The following CCDC77 variants were observed in gnomAD, a reference collection of about 807,000 sequenced individuals.
The protein encoded by CCDC77 is coiled-coil domain-containing protein 77.
CCDC77 carries 56 observed loss-of-function variants against 66.8 expected under a neutral mutation model. That is an observed-to-expected ratio of 0.84 (90% CI 0.68 to 1.05). The LOEUF (loss-of-function observed/expected upper bound fraction) is 1.05, where lower values mean the gene tolerates loss of function less well. Among genes scored for constraint, CCDC77 ranks in the 50% least tolerant of loss-of-function variants. CCDC77 has a pLI of 0.00. For missense variants in CCDC77, 570 were observed against 576.8 expected (o/e 0.99, Z 0.12); for synonymous variants, 196 against 195.2 (o/e 1.00, Z -0.03).
chr12:399,605 C>T (rs1177210698), upstream of CCDC77, among the ~76,000 whole-genome samples: 1 of 152,214 alleles, frequency 6.6e-6, no homozygotes, highest in Admixed American at 6.5e-5. Flanking sequence ...CTTGGGTGAC[C>T]AGTTGCATTG....
chr12:435,235 A>G (rs1194197890), intron 9 of CCDC77, among the ~76,000 whole-genome samples: 1 of 149,706 alleles, frequency 6.7e-6, no homozygotes, highest in Non-Finnish European at 1.5e-5. Flanking sequence ...TATCACATGT[A>G]TTCCGTTTCC....
chr12:397,377 A>C (rs1389648705), upstream of CCDC77, among the ~76,000 whole-genome samples: 1 of 152,198 alleles, frequency 6.6e-6, no homozygotes, highest in Non-Finnish European at 1.5e-5. Context: ...AAAGATACCG[A>C]GCCGAGATGT....
chr12:392,439 C>T (rs751038134), intron 1 of CCDC77, among the ~76,000 whole-genome samples: 3 of 151,988 alleles, frequency 2.0e-5, no homozygotes, highest in Non-Finnish European at 4.4e-5. Flanking sequence ...TGTCAGGACG[C>T]CTTTACTCTT....
intron 9 of CCDC77, among the ~76,000 whole-genome samples, chr12:436,519 C>G (rs146849916): frequency 2.6e-5 from 4 of 152,068 alleles, no homozygotes; most frequent in Non-Finnish European, 4.4e-5. Flanking sequence ...CCATCGCGCC[C>G]GGTCTGCTAT....
At chr12:419,314 G>C (rs932069561) in intron 5 of CCDC77, among the ~76,000 whole-genome samples, 2 of 152,204 alleles carry the variant, frequency 1.3e-5, no homozygotes, top group Non-Finnish European at 2.9e-5. Flanking sequence ...GTAAACTTGG[G>C]AGAAGAAGCC....
At chr12:402,828 G>A (rs1014005487) in intron 1 of CCDC77, among the ~76,000 whole-genome samples, 2 of 152,208 alleles carry the variant, frequency 1.3e-5, no homozygotes, top group Admixed American at 1.3e-4. Context: ...TGGTTAGACA[G>A]GAGGTTCAGA....
intron 4 of CCDC77, 90 bp from the exon 5 acceptor site, chr12:418,404 T>A: frequency 3.1e-6 from 4 of 1,278,146 alleles, no homozygotes; most frequent in Non-Finnish European, 4.5e-6. Context: ...TTTGGAATAT[T>A]TCTACATGAG....
At chr12:396,898 G>A (rs1944835204), upstream of CCDC77, among the ~76,000 whole-genome samples, 1 of 152,172 alleles carries the variant, frequency 6.6e-6, no homozygotes, top group African/African-American at 2.4e-5. Context: ...AAGCAGGAGT[G>A]TGACAGACCC....
chr12:434,197 TA>T (rs1163100851), intron 9 of CCDC77, among the ~76,000 whole-genome samples: 2 of 151,900 alleles, frequency 1.3e-5, no homozygotes, highest in Non-Finnish European at 2.9e-5. Context: ...TCTGAAAAAA[TA>T]AAAACAAAAA....
chr12:411,249 C>G (rs2137548676), intron 3 of CCDC77, among the ~76,000 whole-genome samples: 1 of 152,036 alleles, frequency 6.6e-6, no homozygotes, highest in East Asian at 1.9e-4. Context: ...TCTCGACTCA[C>G]TGCAACCTCT....
At chr12:422,160 T>A (rs56376372) in intron 5 of CCDC77, among the ~76,000 whole-genome samples, 2,551 of 97,448 alleles carry the variant, frequency 0.026, 149 homozygotes, top group African/African-American at 0.069. Flanking sequence ...ATTACAGTGC[T>A]CTTCTGTGTG....
rs942587006 is a variant in CCDC77, at chr12:396,379, A to C, written c.-113+6893A>C. Among the ~76,000 whole-genome samples the C allele has an allele frequency of 3.3e-5, 5 of 152,374 alleles. 1 individual carries two copies. The highest frequency in any genetic ancestry group is 3.3e-4 in the Admixed American group (5 of 15,310). On this transcript the variant is annotated intron_variant, in intron 1 of 11. Transcript: ENST00000422000. ...TGCACTCCAGCCTGCGGGACAGAGC[A>C]AGACTCCCTCTTGAAAAAATAAATA... is the stretch of plus-strand genomic sequence containing the variant.
chr12:395,448 GA>G (rs1227864119), intron 1 of CCDC77, among the ~76,000 whole-genome samples: 4 of 152,110 alleles, frequency 2.6e-5, no homozygotes, highest in Non-Finnish European at 4.4e-5. Flanking sequence ...ATTGCTAAAT[GA>G]ATATCCAATC....
At chr12:402,589 G>C (rs1379565467) in intron 1 of CCDC77, among the ~76,000 whole-genome samples, 1 of 152,162 alleles carries the variant, frequency 6.6e-6, no homozygotes. Flanking sequence ...AAATAAGGCA[G>C]GAAAGTTAGG....
intron 9 of CCDC77, chr12:433,568 T>A: frequency 2.1e-6 from 2 of 943,816 alleles, no homozygotes; most frequent in Non-Finnish European, 2.7e-6. Flanking sequence ...TTGCTTCTGG[T>A]GGCTAAGAAG....
chr12:404,361 G>C (rs930307455), intron 1 of CCDC77, among the ~76,000 whole-genome samples: 1 of 152,168 alleles, frequency 6.6e-6, no homozygotes, highest in African/African-American at 2.4e-5. Flanking sequence ...ATCTAATTAA[G>C]AATACAAGTG....
chr12:405,916 CTTTTTT>C (rs34597637), intron 2 of CCDC77, among the ~76,000 whole-genome samples: 1 of 133,956 alleles, frequency 7.5e-6, no homozygotes, highest in Admixed American at 7.6e-5. Context: ...AAGTGTTCAA[CTTTTTT>C]TTTTTTTTTT....
chr12:422,146 C>T (rs71435011), intron 5 of CCDC77, among the ~76,000 whole-genome samples: 122 of 45,682 alleles, frequency 2.7e-3, no homozygotes, highest in Non-Finnish European at 4.8e-3. Context: ...ACACTCCATG[C>T]TCCATTACAG....
intron 1 of CCDC77, among the ~76,000 whole-genome samples, chr12:395,550 GA>G (rs895274525): frequency 6.8e-5 from 10 of 147,670 alleles, no homozygotes; most frequent in East Asian, 3.9e-4. Context: ...AAAATATTTG[GA>G]AAAAAAAACA....
Sources: gnomAD v4.1 joint callset for allele counts (sites outside exome capture counted in the v4.1 genomes callset) on GRCh38, gnomAD v4.1.1 for gene constraint, MANE v1.5 for transcripts, NCBI Gene and HGNC (gene_info 2026-07-23, HGNC 2026-07-21) for gene names.